TBC1D22A: variants seen among roughly 807,000 people sequenced by gnomAD.
The protein encoded by TBC1D22A is putative GTPase activator.
TBC1D22A carries 38 observed loss-of-function variants against 60.2 expected under a neutral mutation model. That is an observed-to-expected ratio of 0.63 (90% CI 0.49 to 0.83). The LOEUF (loss-of-function observed/expected upper bound fraction) is 0.83. Among genes scored for constraint, TBC1D22A ranks in the 40% least tolerant of loss-of-function variants. The pLI is 0.00. For missense variants in TBC1D22A, 628 were observed against 701.0 expected, an observed-to-expected ratio of 0.90 and a Z score of 1.18; for synonymous variants, 302 against 281.7, an observed-to-expected ratio of 1.07 and a Z score of -0.72.
At chr22:47,123,124 G>A (rs536458663) in intron 12 of TBC1D22A, among the ~76,000 whole-genome samples, 11 of 152,246 alleles carry the variant, frequency 7.2e-5, no homozygotes, top group African/African-American at 2.4e-4. Context: ...GTGAGGTTCC[G>A]TCTGCCAAGA....
At chr22:47,099,325 G>A (rs1218963595) in intron 11 of TBC1D22A, among the ~76,000 whole-genome samples, 1 of 152,164 alleles carries the variant, frequency 6.6e-6, no homozygotes, top group African/African-American at 2.4e-5. Context: ...AGAGGCTGGG[G>A]TTGGAGGAGC....
chr22:47,170,679 CA>C (rs1322015556), intron 12 of TBC1D22A, among the ~76,000 whole-genome samples: 1 of 149,054 alleles, frequency 6.7e-6, no homozygotes, highest in African/African-American at 2.5e-5. Flanking sequence ...GATGCAGGAC[CA>C]GAGAGAGGAC....
chr22:46,823,113 G>A (rs2085899740), intron 4 of TBC1D22A, among the ~76,000 whole-genome samples: 1 of 152,132 alleles, frequency 6.6e-6, no homozygotes, highest in Non-Finnish European at 1.5e-5. Context: ...GAAATCCAAA[G>A]CATCTTACTG....
chr22:47,152,180 A>T (rs60829996), intron 12 of TBC1D22A, among the ~76,000 whole-genome samples: 1,627 of 152,294 alleles, frequency 0.011, 27 homozygotes, highest in African/African-American at 0.038. Context: ...ATTGTTACTA[A>T]TGTTGGGAAG....
intron 8 of TBC1D22A, among the ~76,000 whole-genome samples, chr22:46,923,775 G>A (rs970388766): frequency 6.6e-6 from 1 of 152,044 alleles, no homozygotes; most frequent in Non-Finnish European, 1.5e-5. Context: ...TTTGTTTCAT[G>A]TTTTTTTCCC....
chr22:46,772,819 G>T (rs2083546915), intron 1 of TBC1D22A, among the ~76,000 whole-genome samples: 1 of 151,778 alleles, frequency 6.6e-6, no homozygotes, highest in Non-Finnish European at 1.5e-5. Flanking sequence ...GCTAATTTTT[G>T]TATTTTTACC....
intron 8 of TBC1D22A, among the ~76,000 whole-genome samples, chr22:46,954,692 C>G (rs1031914450): frequency 1.3e-5 from 2 of 152,186 alleles, no homozygotes; most frequent in African/African-American, 4.8e-5. Context: ...TCAGCTGATT[C>G]GTTTGGGCTG....
chr22:46,810,522 A>G (rs906340331), intron 4 of TBC1D22A, among the ~76,000 whole-genome samples: 3 of 152,206 alleles, frequency 2.0e-5, no homozygotes, highest in Non-Finnish European at 4.4e-5. Context: ...CTTTTATTTT[A>G]TTATGAGGGT....
chr22:46,905,736 C>G (rs907251660), intron 7 of TBC1D22A, among the ~76,000 whole-genome samples: 1 of 152,224 alleles, frequency 6.6e-6, no homozygotes, highest in African/African-American at 2.4e-5. Context: ...AGGGGCCAAG[C>G]TTCCCCCTGC....
chr22:46,795,444 G>A (rs535984490), intron 3 of TBC1D22A, among the ~76,000 whole-genome samples: 17 of 152,310 alleles, frequency 1.1e-4, no homozygotes, highest in African/African-American at 4.1e-4. Context: ...AGCTGGGGTC[G>A]GGGAGCTATG....
At chr22:47,103,979 C>G (rs1291721570) in intron 11 of TBC1D22A, among the ~76,000 whole-genome samples, 2 of 152,078 alleles carry the variant, frequency 1.3e-5, no homozygotes, top group African/African-American at 2.4e-5. Context: ...TTGGAAATGG[C>G]AAAGCTGTCC....
intron 7 of TBC1D22A, among the ~76,000 whole-genome samples, chr22:46,911,471 G>C (rs2069917321): frequency 6.6e-6 from 1 of 152,186 alleles, no homozygotes; most frequent in Non-Finnish European, 1.5e-5. Context: ...TCCACTGATA[G>C]GTCAGGTGCT....
intron 3 of TBC1D22A, among the ~76,000 whole-genome samples, chr22:46,795,081 G>C (rs970914511): frequency 6.6e-6 from 1 of 152,230 alleles, no homozygotes; most frequent in African/African-American, 2.4e-5. Flanking sequence ...CATTTGATCA[G>C]TTTTCTTTTT....
At chr22:47,166,607 C>G (rs762538132) in intron 12 of TBC1D22A, among the ~76,000 whole-genome samples, 2 of 152,236 alleles carry the variant, frequency 1.3e-5, no homozygotes, top group African/African-American at 4.8e-5. Flanking sequence ...GTGCTGGACA[C>G]TGTCTCTTTT....
rs1254901307 is a variant in TBC1D22A, at chr22:46,860,517, C to T, written c.638-18136C>T. On this transcript the variant is annotated intron_variant, in intron 4 of 12. Coordinates refer to ENST00000337137, the MANE Select transcript of TBC1D22A (RefSeq NM_014346.5). ...ACCAGAATCCTTTTCCATAGAGGTC[C>T]GCGCAGTGCCGTGCCCCTTCCTGGG... Among the ~76,000 whole-genome samples, 9 of 124,604 alleles carry T rather than the reference C, an allele frequency of 7.2e-5. No homozygotes were observed. In the South Asian group the frequency reaches 1.7e-3, roughly 23 times the overall value. 81.7% of individuals were successfully genotyped at this position (124,604 alleles called of 152,430 possible).
chr22:47,126,350 C>A (rs991809355), intron 12 of TBC1D22A, among the ~76,000 whole-genome samples: 1 of 152,222 alleles, frequency 6.6e-6, no homozygotes, highest in Non-Finnish European at 1.5e-5. Flanking sequence ...GCCATGATCC[C>A]CTTCCCCTGT....
chr22:46,927,373 A>G (rs567691849), intron 8 of TBC1D22A, among the ~76,000 whole-genome samples: 2 of 152,358 alleles, frequency 1.3e-5, no homozygotes, highest in South Asian at 4.1e-4. Context: ...CTCAGCTGAT[A>G]TGGAGAAAGC....
intron 7 of TBC1D22A, among the ~76,000 whole-genome samples, chr22:46,903,039 C>T (rs1036480695): frequency 3.9e-5 from 6 of 152,206 alleles, no homozygotes; most frequent in African/African-American, 1.4e-4. Flanking sequence ...CTGGGGCCGC[C>T]TCACGTCTCT....
intron 8 of TBC1D22A, among the ~76,000 whole-genome samples, chr22:46,933,673 C>T (rs975375044): frequency 1.3e-5 from 2 of 152,228 alleles, no homozygotes; most frequent in Non-Finnish European, 2.9e-5. Flanking sequence ...CCGGCAGCCT[C>T]TGCACTCAGA....
Sources: gnomAD v4.1 joint callset for allele counts (sites outside exome capture counted in the v4.1 genomes callset) on GRCh38, gnomAD v4.1.1 for gene constraint, MANE v1.5 for transcripts, NCBI Gene and HGNC (gene_info 2026-07-23, HGNC 2026-07-21) for gene names.